TBCEL: variants seen among roughly 807,000 people sequenced by gnomAD.
TBCEL encodes the protein tubulin folding cofactor E like.
In TBCEL, 15 loss-of-function variants were observed where a neutral mutation model predicts 44.2. The observed-to-expected ratio is 0.34, with a 90% CI of 0.23 to 0.52. TBCEL has a LOEUF of 0.52. Ranked by LOEUF, TBCEL falls within the 20% of genes least tolerant of loss-of-function variation. The pLI, the probability that TBCEL is intolerant of heterozygous loss-of-function variation, is 0.95. For missense variants in TBCEL, 319 were observed against 506.3 expected, an observed-to-expected ratio of 0.63 and a Z score of 3.55; for synonymous variants, 171 against 185.4, an observed-to-expected ratio of 0.92 and a Z score of 0.63.
chr11:121,027,011 G>C (rs568452941), intron 1 of TBCEL, among the ~76,000 whole-genome samples: 13 of 152,058 alleles, frequency 8.5e-5, no homozygotes, highest in African/African-American at 2.4e-5. Context: ...AACTACTATG[G>C]TTTTGAAAAT....
intron 8 of TBCEL, among the ~76,000 whole-genome samples, chr11:121,064,772 G>A (rs1358353996): frequency 2.0e-5 from 3 of 152,066 alleles, no homozygotes; most frequent in Non-Finnish European, 4.4e-5. Flanking sequence ...ACAGGTAGAA[G>A]GACATGAGTG....
chr11:121,038,771 T>C (rs912227323), intron 2 of TBCEL, among the ~76,000 whole-genome samples: 7 of 152,138 alleles, frequency 4.6e-5, no homozygotes, highest in South Asian at 2.1e-4. Context: ...AAAGAACAAC[T>C]CTTTCTTAAT....
chr11:121,075,420 G>T (rs534291922), intron 8 of TBCEL, among the ~76,000 whole-genome samples: 1 of 152,064 alleles, frequency 6.6e-6, no homozygotes, highest in South Asian at 2.1e-4. Flanking sequence ...CATGTTGAAT[G>T]ATTCCTCACA....
At chr11:121,053,798 G>A in intron 5 of TBCEL, 66 bp downstream of exon 5, 1 of 1,490,716 alleles carries the variant, frequency 6.7e-7, no homozygotes. Context: ...TAGGAGTACT[G>A]CTGATCTCCC....
In TBCEL at chr11:121,047,616, T is replaced by G. The variant is rs202229726; in HGVS notation, c.222T>G (p.Ala74=). The change falls in exon 4 of 9, where the codon GCT becomes GCG. Residue 74 remains alanine (A), a synonymous_variant. Transcript: ENST00000683345. ...AAAAAGAAATTGCTGCTTTCTGCGCTCATGTGTCGGAACTAGATCTTTCTG... is the reference window on the plus strand; with the variant it reads ...AAAAAGAAATTGCTGCTTTCTGCGCGCATGTGTCGGAACTAGATCTTTCTG... ...GDEKEIAAFC[A]HVSELDLSDN... 3 of 1,612,642 alleles carry G rather than the reference T, an allele frequency of 1.9e-6. No individual in the cohort carries two copies. Among genetic ancestry groups the G allele is most frequent in the African/African-American group, 1.3e-5 (1 of 74,812 alleles).
chr11:121,081,928 A>G (rs947628254), intron 8 of TBCEL, among the ~76,000 whole-genome samples: 2 of 152,216 alleles, frequency 1.3e-5, no homozygotes, highest in African/African-American at 2.4e-5. Flanking sequence ...CCAAAGCCTA[A>G]CCCATCTATA....
chr11:121,045,779 T>C lies in TBCEL; in HGVS notation c.89T>C (p.Met30Thr). Reference protein sequence around the residue: ...ENFPYRRGPGMGVHVPATPQG... With the variant: ...ENFPYRRGPGTGVHVPATPQG... ...TTTCCTTATCGCCGTGGCCCGGGGA[T>C]GGGAGTCCATGTCCCAGCCACACCT... Residue 30 changes from methionine to threonine, a missense_variant, in exon 3 of 9, where the codon ATG becomes ACG. Met to Thr is a moderately conservative substitution (Grantham distance 81). Coordinates refer to ENST00000683345, the MANE Select transcript of TBCEL (RefSeq NM_001363644.2). 2 of 1,611,438 alleles carry C rather than the reference T, an allele frequency of 1.2e-6. No homozygotes were observed. Among genetic ancestry groups the C allele is most frequent in the Non-Finnish European group, 1.7e-6 (2 of 1,179,078 alleles).
At chr11:121,030,085 T>C (rs1945116623) in intron 1 of TBCEL, among the ~76,000 whole-genome samples, 1 of 152,160 alleles carries the variant, frequency 6.6e-6, no homozygotes, top group African/African-American at 2.4e-5. Flanking sequence ...AGAAGCAGCC[T>C]CTTTGAGAGG....
rs374078926 is a variant in TBCEL, at chr11:121,081,094, C to T, written c.957-5684C>T. Among the ~76,000 whole-genome samples, 4 of 152,294 alleles carry T rather than the reference C, an allele frequency of 2.6e-5. No individual in the cohort carries two copies. In the East Asian group the frequency reaches 7.7e-4, roughly 29 times the overall value. ...ACCCCTAAGGTTGAAAGAAGCTTTTCTCTCAGTGGGTGTTTTTATTTAATA... is the reference window on the plus strand; with the variant it reads ...ACCCCTAAGGTTGAAAGAAGCTTTTTTCTCAGTGGGTGTTTTTATTTAATA... On this transcript the variant is annotated intron_variant, in intron 8 of 8. Coordinates refer to ENST00000683345, the MANE Select transcript of TBCEL (RefSeq NM_001363644.2).
chr11:121,053,823 A>G, intron 5 of TBCEL, 91 bp downstream of exon 5: 13 of 1,351,530 alleles, frequency 9.6e-6, no homozygotes, highest in Admixed American at 2.5e-5. Context: ...AAGAAATACT[A>G]GAACTGCAGA....
chr11:121,048,649 A>G (rs1945476380), intron 4 of TBCEL, among the ~76,000 whole-genome samples: 1 of 151,834 alleles, frequency 6.6e-6, no homozygotes, highest in Non-Finnish European at 1.5e-5. Flanking sequence ...TATATGACTC[A>G]TGATTATGAC....
chr11:121,044,815 C>T (rs1945399995), intron 2 of TBCEL, among the ~76,000 whole-genome samples: 1 of 152,008 alleles, frequency 6.6e-6, no homozygotes, highest in South Asian at 2.1e-4. Flanking sequence ...AGGACTCTAC[C>T]CAAACTCAGA....
intron 8 of TBCEL, among the ~76,000 whole-genome samples, chr11:121,080,846 C>T (rs1490084472): frequency 1.3e-5 from 2 of 152,104 alleles, no homozygotes; most frequent in Non-Finnish European, 2.9e-5. Flanking sequence ...GCATACCTCT[C>T]CTAAAAATGA....
intron 8 of TBCEL, among the ~76,000 whole-genome samples, chr11:121,064,966 C>T (rs1198436974): frequency 2.0e-5 from 3 of 152,070 alleles, no homozygotes; most frequent in African/African-American, 7.2e-5. Context: ...GCTGGGACTA[C>T]AGGCGCCCGC....
intron 6 of TBCEL, among the ~76,000 whole-genome samples, chr11:121,057,862 T>C (rs1945649924): frequency 6.6e-6 from 1 of 151,842 alleles, no homozygotes; most frequent in Admixed American, 6.6e-5. Flanking sequence ...GGGACAGCTG[T>C]ATTTAGTTTC....
chr11:121,030,748 T>C (rs1009986632), intron 1 of TBCEL, among the ~76,000 whole-genome samples: 1 of 152,144 alleles, frequency 6.6e-6, no homozygotes, highest in African/African-American at 2.4e-5. Context: ...GAATTTTGTG[T>C]TTTTTTCTCT....
In TBCEL at chr11:121,090,412, CTAAG is replaced by C. The variant is rs1480130968; in HGVS notation, c.*3320_*3323del. The C allele has an allele frequency of 9.2e-5, 14 of 152,188 alleles. No homozygotes were observed. In the East Asian group the frequency reaches 1.7e-3, roughly 19 times the overall value. 9.4% of individuals were successfully genotyped at this position (152,188 alleles called of 1,614,324 possible). On this transcript the variant is annotated 3_prime_UTR_variant, in exon 9 of 9. Transcript: ENST00000683345. ...CATGAATACAGAATACTAGATTGTT[CTAAG>C]TAATGTCATTTCGGTTTGTGAATTT... is the stretch of plus-strand genomic sequence containing the variant.
At chr11:121,042,491 A>G (rs1313752878) in intron 2 of TBCEL, among the ~76,000 whole-genome samples, 1 of 152,184 alleles carries the variant, frequency 6.6e-6, no homozygotes, top group Admixed American at 6.6e-5. Flanking sequence ...GAGGGCAGCC[A>G]CTATATAGAC....
Position 121,045,773 on chromosome 11 carries a change from C to T in TBCEL, c.83C>T (p.Pro28Leu), listed in dbSNP as rs763022789. 8.1e-6 allele frequency: 13 copies of T among 1,611,138 alleles called. No individual in the cohort carries two copies. The highest frequency in any genetic ancestry group is 2.2e-5 in the South Asian group (2 of 90,684). ...SPENFPYRRG[P>L]GMGVHVPATP... is the part of the protein sequence containing the mutation. Reference sequence around the variant, plus strand: ...GAAAATTTTCCTTATCGCCGTGGCCCGGGGATGGGAGTCCATGTCCCAGCC... The same window carrying T: ...GAAAATTTTCCTTATCGCCGTGGCCTGGGGATGGGAGTCCATGTCCCAGCC... Residue 28 changes from proline (P) to leucine (L), a missense_variant, in exon 3 of 9, where the codon CCG becomes CTG. Physicochemically the swap from Pro to Leu is moderately conservative, Grantham distance 98. Coordinates refer to ENST00000683345, the MANE Select transcript of TBCEL (RefSeq NM_001363644.2).
Sources: gnomAD v4.1 joint callset for allele counts (sites outside exome capture counted in the v4.1 genomes callset) on GRCh38, gnomAD v4.1.1 for gene constraint, MANE v1.5 for transcripts, NCBI Gene and HGNC (gene_info 2026-07-23, HGNC 2026-07-21) for gene names.